Variants in ATP1A4 observed in about 807,000 individuals in gnomAD.
ATP1A4 encodes ATPase Na+/K+ transporting subunit alpha 4, also known as sodium/potassium-transporting ATPase subunit alpha-4.
In ATP1A4, 90 loss-of-function variants were observed where a neutral mutation model predicts 114.3. The ratio of observed to expected loss-of-function variants is 0.79; its 90% CI spans 0.66 to 0.94. ATP1A4 has a LOEUF of 0.94. Ranked by LOEUF, ATP1A4 falls within the 40% of genes least tolerant of loss-of-function variation. ATP1A4 has a pLI of 0.00. For missense variants in ATP1A4, 1,222 were observed against 1,313.6 expected, an observed-to-expected ratio of 0.93 and a Z score of 1.08; for synonymous variants, 511 against 494.1, an observed-to-expected ratio of 1.03 and a Z score of -0.45.
At chr1:160,154,630 G>A (rs111762010) in intron 2 of ATP1A4, among the ~76,000 whole-genome samples, 3 of 152,196 alleles carry the variant, frequency 2.0e-5, no homozygotes, top group Non-Finnish European at 4.4e-5. Context: ...GAGTCAAAGC[G>A]TGGTGTTAAT....
Position 160,151,926 on chromosome 1 carries a change from C to A in ATP1A4, c.-115C>A. 1 of 1,234,906 alleles carries A rather than the reference C, an allele frequency of 8.1e-7. No homozygotes were observed. The highest frequency in any genetic ancestry group is 1.6e-5 in the South Asian group (1 of 62,830). The allele number at this position is 1,234,906 out of a possible 1,614,324, so 76.5% of individuals were successfully genotyped here. A position where few individuals can be genotyped will look rare whatever the true frequency, so the allele number is the denominator to read the frequency against. ...TTCTTTCTGCTCCCTCATTCTCTCC[C>A]CACCACTCTCTTCTCGTGGCCCCCT... On this transcript the variant is annotated 5_prime_UTR_variant, in exon 1 of 22. Coordinates refer to ENST00000368081, the MANE Select transcript of ATP1A4 (RefSeq NM_144699.4).
At chr1:160,183,779 CTA>C (rs1162546061) in intron 20 of ATP1A4, among the ~76,000 whole-genome samples, 2 of 152,090 alleles carry the variant, frequency 1.3e-5, no homozygotes, top group Non-Finnish European at 2.9e-5. Context: ...AAGTCAAAAA[CTA>C]AAGTAATGTT....
chr1:160,169,899 C>T (rs1653183647), intron 10 of ATP1A4: 1 of 152,310 alleles, frequency 6.6e-6, no homozygotes, highest in Admixed American at 6.5e-5. Context: ...ACTTCTCACG[C>T]TTTTAGGAGA....
chr1:160,184,278 T>C (rs979101751), intron 20 of ATP1A4, among the ~76,000 whole-genome samples: 1 of 151,078 alleles, frequency 6.6e-6, no homozygotes, highest in Admixed American at 6.6e-5. Context: ...GAGGCGGGGG[T>C]GTAGTGGCTC....
chr1:160,186,202 T>C, intron 20 of ATP1A4, 74 bp from the exon 21 acceptor site: 1 of 978,370 alleles, frequency 1.0e-6, no homozygotes, highest in South Asian at 1.3e-5. Flanking sequence ...GTGCAATTCC[T>C]GTGCATTGCC....
In ATP1A4 at chr1:160,182,092, G is replaced by T. The variant is rs567661756; in HGVS notation, c.2969+61G>T. On this transcript the variant is annotated intron_variant, in intron 20 of 21. Coordinates refer to ENST00000368081, the MANE Select transcript of ATP1A4 (RefSeq NM_144699.4). The stretch of plus-strand genomic sequence containing the variant: ...AGGCACGGGGGAGCATACAGAGGAA[G>T]GGTGTGTTTCACTAGGATTGTCATG... 27 of 1,395,174 alleles carry T rather than the reference G, an allele frequency of 1.9e-5. No individual in the cohort carries two copies. The Admixed American group carries it at 3.7e-4, about 19-fold the overall frequency. The allele number at this position is 1,395,174 out of a possible 1,614,324, so 86.4% of individuals were successfully genotyped here. A position where few individuals can be genotyped will look rare whatever the true frequency, so the allele number is the denominator to read the frequency against.
At position 160,167,549 on chromosome 1, in the gene ATP1A4, G is replaced by A. The variant is rs570857023; in HGVS notation, c.1491+137G>A. On this transcript the variant is annotated intron_variant, in intron 10 of 21. Coordinates refer to ENST00000368081, the MANE Select transcript of ATP1A4 (RefSeq NM_144699.4). Reference sequence around the variant, plus strand: ...AGCAGAACCTGCATCCCAATTAACGGAAGACTCACATCAAGAGAACGTGAC... The same window carrying A: ...AGCAGAACCTGCATCCCAATTAACGAAAGACTCACATCAAGAGAACGTGAC... The A allele has an allele frequency of 1.2e-3, 1,479 of 1,195,646 alleles. 11 individuals are homozygous for A. The highest frequency in any genetic ancestry group is 8.0e-3 in the South Asian group (568 of 71,224). 74.1% of individuals were successfully genotyped at this position (1,195,646 alleles called of 1,614,324 possible).
In ATP1A4 at chr1:160,166,742, G is replaced by C. The variant is rs775280361; in HGVS notation, c.1246+16G>C. ...GAACAGACTGGTGACTAGTGGTATTGGTGGAACAAGAGTGGAGGGATTTGG... is the reference window on the plus strand; with the variant it reads ...GAACAGACTGGTGACTAGTGGTATTCGTGGAACAAGAGTGGAGGGATTTGG... On this transcript the variant is annotated intron_variant, in intron 8 of 21. Transcript: ENST00000368081. 5 of 1,614,130 alleles carry C rather than the reference G, an allele frequency of 3.1e-6. No homozygotes were observed. In the South Asian group the frequency reaches 5.5e-5, roughly 18 times the overall value.
At chr1:160,152,298 C>T in intron 1 of ATP1A4, 111 bp downstream of exon 1, 1 of 1,177,552 alleles carries the variant, frequency 8.5e-7, no homozygotes, top group African/African-American at 1.5e-5. Context: ...CACATCTCTT[C>T]TCTGTTAGGC....
At chr1:160,184,870 A>G (rs1653824577) in intron 20 of ATP1A4, among the ~76,000 whole-genome samples, 1 of 152,164 alleles carries the variant, frequency 6.6e-6, no homozygotes, top group Admixed American at 6.5e-5. Flanking sequence ...AAACAAAACA[A>G]TATCCCCATC....
chr1:160,176,369 C>T, intron 16 of ATP1A4, 110 bp from the exon 17 acceptor site: 2 of 1,584,748 alleles, frequency 1.3e-6, no homozygotes, highest in Non-Finnish European at 1.7e-6. Context: ...TCTCGCACCT[C>T]CTGCAAGATG....
chr1:160,180,741 G>T (rs1479699828), intron 18 of ATP1A4, among the ~76,000 whole-genome samples: 2 of 101,108 alleles, frequency 2.0e-5, no homozygotes, highest in Non-Finnish European at 3.5e-5. Context: ...TTGAGACGGA[G>T]TCTCGCTCTG....
chr1:160,162,345 A>T (rs1652891604), intron 6 of ATP1A4, among the ~76,000 whole-genome samples: 1 of 152,192 alleles, frequency 6.6e-6, no homozygotes, highest in South Asian at 2.1e-4. Flanking sequence ...GGCCTGCATC[A>T]TGTGTGTGTA....
In ATP1A4 at chr1:160,159,392, C is replaced by T. The variant is rs138867578; in HGVS notation, c.661-17C>T. ...TTCCTATGCTCACCTTACAACGCGT[C>T]CCCTCTCCCATCCCAGGTGGACAAC... On this transcript the variant is annotated splice_polypyrimidine_tract_variant and intron_variant, in intron 5 of 21. Transcript: ENST00000368081. 6.3e-7 allele frequency: 1 copy of T among 1,597,154 alleles called. No homozygotes were observed. The highest frequency in any genetic ancestry group is 1.8e-5 in the Admixed American group (1 of 56,478).
chr1:160,164,848 G>C, intron 7 of ATP1A4, among the ~76,000 whole-genome samples: 1 of 152,340 alleles, frequency 6.6e-6, no homozygotes, highest in East Asian at 1.9e-4. Context: ...ACCCATGGGA[G>C]ATGATTATTA....
At chr1:160,176,657 G>A in intron 17 of ATP1A4, 55 bp downstream of exon 17, 1 of 1,594,368 alleles carries the variant, frequency 6.3e-7, no homozygotes, top group Non-Finnish European at 8.6e-7. Context: ...CCCCTGCCTG[G>A]CAACGTGAGC....
chr1:160,164,325 G>T lies in ATP1A4; in HGVS notation c.948G>T (p.Ala316=), dbSNP rs143414772. ...VAVFLGVTFF[A]LSLLLGYGWL... Reference sequence around the variant, plus strand: ...TCTTCCTTGGTGTCACTTTTTTTGCGCTCTCACTTCTCTTGGGCTATGGTT... The same window carrying T: ...TCTTCCTTGGTGTCACTTTTTTTGCTCTCTCACTTCTCTTGGGCTATGGTT... The change falls in exon 7 of 22, where the codon GCG becomes GCT. Residue 316 remains alanine (A), a synonymous_variant. Transcript: ENST00000368081. The T allele has an allele frequency of 1.9e-5, 31 of 1,613,850 alleles. No individual in the cohort carries two copies. The East Asian group carries it at 4.0e-4, about 21-fold the overall frequency.
In ATP1A4 at chr1:160,151,953, G is replaced by C. The variant is rs953054701; in HGVS notation, c.-88G>C. ...ACCACTCTCTTCTCGTGGCCCCCTT[G>C]CCCGCGCGCCCTCTTCCCTTCCCCT... On this transcript the variant is annotated 5_prime_UTR_variant, in exon 1 of 22. Transcript: ENST00000368081. 23 of 1,472,906 alleles carry C rather than the reference G, an allele frequency of 1.6e-5. No individual in the cohort carries two copies. Among genetic ancestry groups the C allele is most frequent in the Admixed American group, 4.8e-5 (2 of 41,904 alleles). The allele number at this position is 1,472,906 out of a possible 1,614,324, so 91.2% of individuals were successfully genotyped here.
At chr1:160,186,136 A>C in intron 20 of ATP1A4, 140 bp from the exon 21 acceptor site, 4 of 597,436 alleles carry the variant, frequency 6.7e-6, no homozygotes, top group South Asian at 4.5e-5. Flanking sequence ...ATTCAACTGC[A>C]CTGTCTCCAG....
Sources: gnomAD v4.1 joint callset for allele counts (sites outside exome capture counted in the v4.1 genomes callset) on GRCh38, gnomAD v4.1.1 for gene constraint, MANE v1.5 for transcripts, NCBI Gene and HGNC (gene_info 2026-07-23, HGNC 2026-07-21) for gene names.